Variants in TMPRSS4 observed in about 807,000 individuals in gnomAD.
The protein encoded by TMPRSS4 is transmembrane protease serine 4.
A neutral mutation model predicts 56.4 loss-of-function variants in TMPRSS4; 45 were observed. That is an observed-to-expected ratio of 0.80 (90% confidence interval 0.63 to 1.02). TMPRSS4 has a LOEUF of 1.02. TMPRSS4 is among the 50% of genes least tolerant of loss of function. TMPRSS4 has a pLI of 0.00. For missense variants in TMPRSS4, 546 were observed against 556.7 expected, an observed-to-expected ratio of 0.98 and a Z score of 0.19; for synonymous variants, 205 against 211.0, an observed-to-expected ratio of 0.97 and a Z score of 0.25.
At chr11:118,113,124 T>A (rs1374554836) in intron 8 of TMPRSS4, 145 bp from the exon 9 acceptor site, 1 of 754,200 alleles carries the variant, frequency 1.3e-6, no homozygotes, top group South Asian at 2.5e-5. Context: ...GACTGCCCCT[T>A]CTCCACCATC....
At chr11:118,103,979 G>C (rs568129279) in intron 4 of TMPRSS4, among the ~76,000 whole-genome samples, 135 of 152,304 alleles carry the variant, frequency 8.9e-4, no homozygotes, top group Non-Finnish European at 1.6e-3. Context: ...GCTGAGACAT[G>C]CTATGTGACA....
rs1355768332 is a variant in TMPRSS4, at chr11:118,113,388, A to G, written c.863A>G (p.Asp288Gly). The G allele has an allele frequency of 1.2e-6, 2 of 1,614,162 alleles. No individual in the cohort carries two copies. Among genetic ancestry groups the G allele is most frequent in the Admixed American group, 3.3e-5 (2 of 60,028 alleles). ...GAATTCAACCCCATGTACCCCAAAG[A>G]CAATGACATCGCCCTCATGAAGCTG... ...IIEFNPMYPK[D>G]NDIALMKLQF... Residue 288 changes from aspartate to glycine, a missense_variant, in exon 9 of 13, where the codon GAC (aspartate) becomes GGC (glycine). Transcript: ENST00000437212.
At chr11:118,117,549 C>T in intron 12 of TMPRSS4, 95 bp downstream of exon 12, 2 of 1,512,880 alleles carry the variant, frequency 1.3e-6, no homozygotes, top group Non-Finnish European at 1.8e-6. Context: ...ATGGTTCTGA[C>T]AACTCTTTAC....
In TMPRSS4 at chr11:118,080,678, C is replaced by A. The variant is rs149103755; in HGVS notation, c.3+3373C>A. On this transcript the variant is annotated intron_variant, in intron 1 of 12. Transcript: ENST00000437212. ...CTGAATGTAAGAAATGAGGAGAGAC[C>A]AGCTCAAGGGGGTCATGGGTAGAGG... 3.9e-4 allele frequency among the ~76,000 whole-genome samples: 60 copies of A among 152,236 alleles called. No individual in the cohort carries two copies. In the East Asian group the frequency reaches 0.01, roughly 25 times the overall value.
intron 7 of TMPRSS4, among the ~76,000 whole-genome samples, chr11:118,109,104 T>G (rs145470511): frequency 1.2e-4 from 19 of 152,270 alleles, no homozygotes; most frequent in South Asian, 8.3e-4. Context: ...AAGCCCCAGT[T>G]TCCCCCTTCT....
intron 10 of TMPRSS4, 86 bp from the exon 11 acceptor site, chr11:118,115,052 G>A (rs543163416): frequency 4.8e-5 from 75 of 1,558,024 alleles, no homozygotes; most frequent in African/African-American, 1.6e-4. Context: ...GCACCAAGGC[G>A]CCAGGCAGAA....
At chr11:118,097,888 C>T (rs932911618) in intron 2 of TMPRSS4, among the ~76,000 whole-genome samples, 7 of 152,120 alleles carry the variant, frequency 4.6e-5, no homozygotes, top group Non-Finnish European at 8.8e-5. Context: ...CTCCTGCCTC[C>T]GTCTTCCAAG....
At chr11:118,090,594 C>G (rs654176) in intron 1 of TMPRSS4, among the ~76,000 whole-genome samples, 13,404 of 139,760 alleles carry the variant, frequency 0.096, 732 homozygotes, top group East Asian at 0.23. Flanking sequence ...CTGGGCAATA[C>G]AGTGATACCT....
In TMPRSS4 at chr11:118,103,211, G is replaced by A. The variant is rs752448269; in HGVS notation, c.268G>A (p.Glu90Lys). 1 of 1,614,200 alleles carries A rather than the reference G, an allele frequency of 6.2e-7. No homozygotes were observed. Among genetic ancestry groups the A allele is most frequent in the East Asian group, 2.2e-5 (1 of 44,892 alleles). The change falls in exon 4 of 13, where the codon GAG (glutamate) becomes AAG (lysine). Residue 90 changes from glutamate (E) to lysine (K), a missense_variant. By Grantham distance (56) the Glu-to-Lys change is moderately conservative (BLOSUM62 1). Coordinates refer to ENST00000437212, the MANE Select transcript of TMPRSS4 (RefSeq NM_019894.4). ...ELDCPLGEDEEHCVKSFPEGP... is the reference protein window; with the variant it reads ...ELDCPLGEDEKHCVKSFPEGP... Reference sequence around the variant, plus strand: ...GGACTGTCCCTTGGGGGAGGACGAGGAGCACTGTGTCAAGAGCTTCCCCGA... The same window carrying A: ...GGACTGTCCCTTGGGGGAGGACGAGAAGCACTGTGTCAAGAGCTTCCCCGA...
intron 1 of TMPRSS4, among the ~76,000 whole-genome samples, chr11:118,080,555 G>T (rs1945047559): frequency 6.6e-6 from 1 of 152,102 alleles, no homozygotes; most frequent in African/African-American, 2.4e-5. Flanking sequence ...GTGACCCCAG[G>T]CCTCTCTCCT....
At chr11:118,078,248 T>C (rs1257086874) in intron 1 of TMPRSS4, among the ~76,000 whole-genome samples, 1 of 151,938 alleles carries the variant, frequency 6.6e-6, no homozygotes, top group Non-Finnish European at 1.5e-5. Context: ...GAAGAGATAA[T>C]AACTGGGTCT....
intron 1 of TMPRSS4, among the ~76,000 whole-genome samples, chr11:118,078,173 C>T (rs922762354): frequency 5.9e-5 from 9 of 152,114 alleles, no homozygotes; most frequent in Non-Finnish European, 1.0e-4. Context: ...GGAGCGTCTT[C>T]GCTGTCTTGG....
At chr11:118,104,627 G>T in intron 4 of TMPRSS4, 64 bp from the exon 5 acceptor site, 1 of 1,611,962 alleles carries the variant, frequency 6.2e-7, no homozygotes, top group Non-Finnish European at 8.5e-7. Context: ...CTCATGATGA[G>T]TTCTGAGGGG....
intron 3 of TMPRSS4, among the ~76,000 whole-genome samples, chr11:118,102,418 C>T (rs1591386874): frequency 6.6e-6 from 1 of 152,292 alleles, no homozygotes; most frequent in African/African-American, 2.4e-5. Context: ...TATAAAGTTG[C>T]ACAGTAAGGC....
chr11:118,094,041 A>C (rs1192824208), intron 1 of TMPRSS4, among the ~76,000 whole-genome samples: 1 of 152,210 alleles, frequency 6.6e-6, no homozygotes, highest in African/African-American at 2.4e-5. Flanking sequence ...TCTACCAGTG[A>C]CTGACGTTTG....
intron 2 of TMPRSS4, among the ~76,000 whole-genome samples, chr11:118,095,609 A>G (rs1351684393): frequency 5.3e-5 from 8 of 152,186 alleles, no homozygotes; most frequent in African/African-American, 1.9e-4. Flanking sequence ...CAGGGTGCCA[A>G]CTGCTCCGCC....
rs1285360362 is a variant in TMPRSS4 at position 118,108,951 on chromosome 11, G to A, written c.583+55G>A. ...GGCCTGGGCCAGCAATGAGCAGGGAGGAAGACCTTCATCTTCACTCCTAAA... is the reference window on the plus strand; with the variant it reads ...GGCCTGGGCCAGCAATGAGCAGGGAAGAAGACCTTCATCTTCACTCCTAAA... On this transcript the variant is annotated intron_variant, in intron 7 of 12. Coordinates refer to ENST00000437212, the MANE Select transcript of TMPRSS4 (RefSeq NM_019894.4). 8.8e-6 allele frequency: 14 copies of A among 1,584,966 alleles called. No individual in the cohort carries two copies. The East Asian group carries it at 2.0e-4, about 23-fold the overall frequency.
Position 118,118,403 on chromosome 11 carries a change from A to G in TMPRSS4, c.*490A>G, listed in dbSNP as rs143282743. ...ATGACTACCGTTACCTACTGTTGTC[A>G]TTGTTATTACAGCTATGGCCACTAT... is the stretch of plus-strand genomic sequence containing the variant. On this transcript the variant is annotated 3_prime_UTR_variant, in exon 13 of 13. Coordinates refer to ENST00000437212, the MANE Select transcript of TMPRSS4 (RefSeq NM_019894.4). 362 of 994,582 alleles carry G rather than the reference A, an allele frequency of 3.6e-4. 2 individuals carry two copies. The African/African-American group carries it at 5.7e-3, about 16-fold the overall frequency. The allele number at this position is 994,582 out of a possible 1,614,324, so 61.6% of individuals were successfully genotyped here. A position where few individuals can be genotyped will look rare whatever the true frequency, so the allele number is the denominator to read the frequency against.
At chr11:118,124,971 C>G (rs1037977912), downstream of TMPRSS4, among the ~76,000 whole-genome samples, 1 of 152,224 alleles carries the variant, frequency 6.6e-6, no homozygotes, top group African/African-American at 2.4e-5. Context: ...GCTCTGGCCC[C>G]TTCCATTCCC....
Sources: gnomAD v4.1 joint callset for allele counts (sites outside exome capture counted in the v4.1 genomes callset) on GRCh38, gnomAD v4.1.1 for gene constraint, MANE v1.5 for transcripts, NCBI Gene and HGNC (gene_info 2026-07-23, HGNC 2026-07-21) for gene names.